The following CACNA1C variants were observed in gnomAD, a reference collection of about 807,000 sequenced individuals.
CACNA1C encodes the protein voltage-dependent L-type calcium channel subunit alpha-1C.
CACNA1C carries 30 observed loss-of-function variants against 229.0 expected under a neutral mutation model. The ratio of observed to expected loss-of-function variants is 0.13; its 90% CI spans 0.10 to 0.18. The LOEUF (loss-of-function observed/expected upper bound fraction) is 0.18, where lower values mean the gene tolerates loss of function less well. Among genes scored for constraint, CACNA1C ranks in the 10% least tolerant of loss-of-function variants. The pLI is 1.00. For missense variants in CACNA1C, 1,658 were observed against 2,845.0 expected (o/e 0.58, Z 9.49); for synonymous variants, 1,114 against 1,132.5 (o/e 0.98, Z 0.33).
chr12:2,386,174 T>C (rs1369296289), intron 3 of CACNA1C, among the ~76,000 whole-genome samples: 2 of 152,184 alleles, frequency 1.3e-5, no homozygotes, highest in East Asian at 3.9e-4. Context: ...AGCTTGAAAT[T>C]GACCATGGCA....
intron 3 of CACNA1C, among the ~76,000 whole-genome samples, chr12:2,266,559 A>T (rs1389519957): frequency 1.3e-5 from 2 of 152,212 alleles, no homozygotes; most frequent in Non-Finnish European, 2.9e-5. Context: ...GGGAAGGTGC[A>T]TTGGGTTCCA....
intron 3 of CACNA1C, among the ~76,000 whole-genome samples, chr12:2,183,918 C>A (rs375207626): frequency 6.6e-6 from 1 of 152,212 alleles, no homozygotes; most frequent in South Asian, 2.1e-4. Flanking sequence ...TTCCTGTAAA[C>A]GTAAAATCTG....
chr12:2,180,944 T>C (rs553716096), intron 3 of CACNA1C, among the ~76,000 whole-genome samples: 2 of 152,308 alleles, frequency 1.3e-5, no homozygotes, highest in East Asian at 1.9e-4. Flanking sequence ...GATTGTGTTA[T>C]ATTTGTAGCA....
chr12:1,973,166 A>G (rs758906810), intron 1 of CACNA1C, among the ~76,000 whole-genome samples: 10 of 152,202 alleles, frequency 6.6e-5, no homozygotes, highest in Non-Finnish European at 1.2e-4. Context: ...GGCCACTGAG[A>G]GTCTACATAG....
intron 3 of CACNA1C, among the ~76,000 whole-genome samples, chr12:2,334,282 G>A (rs1567107421): frequency 6.6e-6 from 1 of 152,210 alleles, no homozygotes. Flanking sequence ...CAGTTCAGCA[G>A]ACATTTACCA....
chr12:2,376,416 C>T (rs966718373), intron 3 of CACNA1C, among the ~76,000 whole-genome samples: 3 of 152,090 alleles, frequency 2.0e-5, no homozygotes, highest in Non-Finnish European at 4.4e-5. Context: ...CAAATAGCAC[C>T]GAGATGGTGT....
At chr12:2,383,456 A>T (rs1459203238) in intron 3 of CACNA1C, among the ~76,000 whole-genome samples, 5 of 152,240 alleles carry the variant, frequency 3.3e-5, no homozygotes, top group South Asian at 2.1e-4. Flanking sequence ...CTAAGTAATG[A>T]TGTCTTCATG....
At chr12:2,255,904 AT>A (rs2077372981) in intron 3 of CACNA1C, among the ~76,000 whole-genome samples, 1 of 151,630 alleles carries the variant, frequency 6.6e-6, no homozygotes, top group African/African-American at 2.4e-5. Flanking sequence ...CTAGTTTACA[AT>A]CACACGACCC....
chr12:2,346,493 G>T lies in CACNA1C; in HGVS notation c.478-102483G>T, dbSNP rs978511885. On this transcript the variant is annotated intron_variant, in intron 3 of 46. Coordinates refer to ENST00000399655, the MANE Select transcript of CACNA1C (RefSeq NM_000719.7). The surrounding 1 kb of genome is among the most constrained non-coding windows in gnomAD (Gnocchi z 4.4). Reference sequence around the variant, plus strand: ...TGCTGTCCAGGGCTTTGGGACAATGGGCTTGCTATGTTTTAAATTTTGGGC... The same window carrying T: ...TGCTGTCCAGGGCTTTGGGACAATGTGCTTGCTATGTTTTAAATTTTGGGC... Among the ~76,000 whole-genome samples, 10 of 152,116 alleles carry T rather than the reference G, an allele frequency of 6.6e-5. No homozygotes were observed. Among genetic ancestry groups the T allele is most frequent in the Non-Finnish European group, 1.3e-4 (9 of 68,026 alleles).
At chr12:2,159,857 G>A (rs886750807) in intron 3 of CACNA1C, among the ~76,000 whole-genome samples, 6 of 152,186 alleles carry the variant, frequency 3.9e-5, no homozygotes, top group African/African-American at 1.4e-4. Flanking sequence ...GCCCGCCTCG[G>A]CCTCCCAAAG....
chr12:2,045,721 G>T lies in CACNA1C; in HGVS notation c.140-69503G>T, dbSNP rs567748559. Among the ~76,000 whole-genome samples the T allele has an allele frequency of 2.0e-5, 3 of 152,180 alleles. No individual in the cohort carries two copies. In the South Asian group the frequency reaches 6.2e-4, roughly 32 times the overall value. ...TTGGACTTGAGATTCAAGTGAAAAT[G>T]GGTGAAGAAACATTCCTGTAGGTTA... On this transcript the variant is annotated intron_variant, in intron 1 of 46. Transcript: ENST00000682462.
chr12:2,039,484 C>G (rs1413903465), intron 1 of CACNA1C, among the ~76,000 whole-genome samples: 1 of 152,178 alleles, frequency 6.6e-6, no homozygotes, highest in Non-Finnish European at 1.5e-5. Flanking sequence ...ATTTATTCAT[C>G]AGATGTTTAT....
intron 3 of CACNA1C, among the ~76,000 whole-genome samples, chr12:2,255,050 G>A (rs2076882587): frequency 6.6e-6 from 1 of 152,182 alleles, no homozygotes; most frequent in South Asian, 2.1e-4. Context: ...CTGTGAAGGG[G>A]CTGTGGCCCT....
chr12:2,504,829 T>G lies in CACNA1C; in HGVS notation c.1114-13T>G, dbSNP rs1254769934. On this transcript the variant is annotated splice_polypyrimidine_tract_variant and intron_variant, in intron 7 of 46. Coordinates refer to ENST00000399655, the MANE Select transcript of CACNA1C (RefSeq NM_000719.7). The surrounding 1 kb of genome is among the most constrained non-coding windows in gnomAD (Gnocchi z 6.8). ...CTGAGTGTGCCTCACTAACTATCAT[T>G]CCGTTCTTCCAGGTCAATGATGCCG... 6.8e-7 allele frequency: 1 copy of G among 1,476,368 alleles called. No individual in the cohort carries two copies. Among genetic ancestry groups the G allele is most frequent in the Non-Finnish European group, 9.5e-7 (1 of 1,055,254 alleles). The allele number at this position is 1,476,368 out of a possible 1,614,324, so 91.5% of individuals were successfully genotyped here.
chr12:2,444,178 C>A (rs1441528157), intron 3 of CACNA1C, among the ~76,000 whole-genome samples: 3 of 152,196 alleles, frequency 2.0e-5, no homozygotes, highest in Non-Finnish European at 4.4e-5. Flanking sequence ...TGCGTTTCTC[C>A]AGTACCCCGG....
In CACNA1C at chr12:2,401,563, G is replaced by C. The variant is rs115416263; in HGVS notation, c.478-47413G>C. Among the ~76,000 whole-genome samples the C allele has an allele frequency of 8.0e-3, 1,225 of 152,272 alleles. 13 individuals are homozygous for C. The highest frequency in any genetic ancestry group is 0.027 in the African/African-American group (1,136 of 41,552). On this transcript the variant is annotated intron_variant, in intron 3 of 46. Coordinates refer to ENST00000399655, the MANE Select transcript of CACNA1C (RefSeq NM_000719.7). ...GAGAGCAACCACAGATCTGGGTGGG[G>C]CATCCATGATGGTCAAGAACAAACC...
In CACNA1C at chr12:2,597,582, C is replaced by A; in HGVS notation, c.2853+293C>A. 2.2e-6 allele frequency: 2 copies of A among 914,186 alleles called. No homozygotes were observed. The highest frequency in any genetic ancestry group is 1.4e-5 in the South Asian group (1 of 73,504). 56.6% of individuals were successfully genotyped at this position (914,186 alleles called of 1,614,324 possible). A position where few individuals can be genotyped will look rare whatever the true frequency, so the allele number is the denominator to read the frequency against. On this transcript the variant is annotated intron_variant, in intron 21 of 46. Transcript: ENST00000399655. This position sits in a 1 kb window ranked among gnomAD's most constrained non-coding sequence, Gnocchi z 4.3. ...GCTGGATCTTTTGTCTTTTCTGTTT[C>A]TTTCACTCTCTCTTTTCTTTACTCC...
intron 1 of CACNA1C, among the ~76,000 whole-genome samples, chr12:1,996,578 G>T (rs1425147105): frequency 7.9e-6 from 1 of 127,320 alleles, no homozygotes; most frequent in African/African-American, 3.0e-5. Flanking sequence ...GAATTGTCTT[G>T]GGCCACACAT....
chr12:2,079,009 C>G, intron 1 of CACNA1C, among the ~76,000 whole-genome samples: 1 of 151,838 alleles, frequency 6.6e-6, no homozygotes, highest in Non-Finnish European at 1.5e-5. Context: ...AACCATCATT[C>G]TCAGCAAACT....
Sources: allele counts gnomAD v4.1 joint callset (sites outside exome capture counted in the v4.1 genomes callset), GRCh38; gene constraint gnomAD v4.1.1; non-coding constraint Gnocchi (gnomAD v3.1); transcripts MANE v1.5; gene names NCBI Gene and HGNC (gene_info 2026-07-23, HGNC 2026-07-21).